The following SAMD12 variants were observed in gnomAD, a reference collection of about 807,000 sequenced individuals.
The protein encoded by SAMD12 is sterile alpha motif domain containing 12, also known as sterile alpha motif domain-containing protein 12.
A neutral mutation model predicts 15.0 loss-of-function variants in SAMD12; 9 were observed. The observed-to-expected ratio is 0.60, with a 90% CI of 0.36 to 1.05. The LOEUF (loss-of-function observed/expected upper bound fraction) is 1.05. SAMD12 is among the 50% of genes least tolerant of loss of function. The pLI is 0.01. For missense variants in SAMD12, 230 were observed against 234.2 expected (o/e 0.98, Z 0.12); for synonymous variants, 86 against 90.1 (o/e 0.96, Z 0.25).
chr8:118,162,029 G>T, the SAMD12 span, among the ~76,000 whole-genome samples: 2 of 151,332 alleles, frequency 1.3e-5, no homozygotes, highest in Non-Finnish European at 2.9e-5. Flanking sequence ...GCATGGTGGC[G>T]CATGCCTGTA....
the SAMD12 span, among the ~76,000 whole-genome samples, chr8:118,171,758 C>A: frequency 7.1e-6 from 1 of 141,588 alleles, no homozygotes; most frequent in Non-Finnish European, 1.5e-5. Flanking sequence ...TGGGTCAGGT[C>A]ATGAAATTGT....
chr8:118,557,503 A>G (rs574781109), intron 2 of SAMD12, among the ~76,000 whole-genome samples: 1 of 152,206 alleles, frequency 6.6e-6, no homozygotes, highest in Non-Finnish European at 1.5e-5. Flanking sequence ...GAAAAAGAGC[A>G]TCTGAAATGA....
chr8:118,532,168 G>C (rs1825707604), intron 2 of SAMD12, among the ~76,000 whole-genome samples: 1 of 152,104 alleles, frequency 6.6e-6, no homozygotes, highest in East Asian at 1.9e-4. Flanking sequence ...TTTTGTCAAA[G>C]GCCTTTTCTG....
chr8:118,315,347 G>A (rs867264980), intron 4 of SAMD12, among the ~76,000 whole-genome samples: 1 of 152,106 alleles, frequency 6.6e-6, no homozygotes, highest in African/African-American at 2.4e-5. Flanking sequence ...GGTCAATATA[G>A]ATATTCACCT....
exon 5 of SAMD12, chr8:118,191,578 C>T (rs1228090310): frequency 6.6e-6 from 1 of 150,940 alleles, no homozygotes; most frequent in Non-Finnish European, 1.5e-5. Context: ...CTGGGTCAGG[C>T]ACTTCGAAAC....
intron 2 of SAMD12, among the ~76,000 whole-genome samples, chr8:118,506,395 G>A (rs1016405902): frequency 6.6e-6 from 1 of 152,084 alleles, no homozygotes; most frequent in Non-Finnish European, 1.5e-5. Context: ...TCTAATTTGG[G>A]TAAAACTATG....
At chr8:118,298,539 A>G (rs1209875492) in intron 4 of SAMD12, among the ~76,000 whole-genome samples, 1 of 152,178 alleles carries the variant, frequency 6.6e-6, no homozygotes, top group Non-Finnish European at 1.5e-5. Context: ...TAATTATTTT[A>G]GCTACTTCTT....
the SAMD12 span, among the ~76,000 whole-genome samples, chr8:118,146,094 A>G: frequency 1.3e-5 from 2 of 152,214 alleles, no homozygotes; most frequent in African/African-American, 2.4e-5. Flanking sequence ...GAGCTTAACC[A>G]TGGAGCACCA....
chr8:118,321,951 C>T (rs180916611), intron 4 of SAMD12, among the ~76,000 whole-genome samples: 57 of 152,282 alleles, frequency 3.7e-4, no homozygotes, highest in African/African-American at 1.4e-3. Context: ...AGAATGCCTT[C>T]AGTTCCTCAA....
chr8:118,139,330 T>C, the SAMD12 span, among the ~76,000 whole-genome samples: 2 of 152,160 alleles, frequency 1.3e-5, no homozygotes, highest in Admixed American at 1.3e-4. Flanking sequence ...CAATGAAAAT[T>C]AACAATAAGT....
At position 118,280,957 on chromosome 8, in the gene SAMD12, A is replaced by G. The variant is rs556376071; in HGVS notation, c.434-83225T>C. 3.3e-5 allele frequency among the ~76,000 whole-genome samples: 5 copies of G among 152,302 alleles called. No homozygotes were observed. The East Asian group carries it at 9.6e-4, about 29-fold the overall frequency. ...TGGCAAGGCTGCCCTTTTTTGTCCC[A>G]TATTAATGATGATATCCTAATCATA... On this transcript the variant is annotated intron_variant, in intron 4 of 4. Coordinates refer to the SAMD12 transcript ENST00000409003.
At chr8:118,302,289 A>G (rs1586474997) in intron 4 of SAMD12, among the ~76,000 whole-genome samples, 1 of 151,952 alleles carries the variant, frequency 6.6e-6, no homozygotes, top group Admixed American at 6.6e-5. Context: ...AGCATCTCGA[A>G]TTTGTAGCCA....
intron 1 of SAMD12, among the ~76,000 whole-genome samples, chr8:118,596,311 T>C (rs1827723307): frequency 1.3e-5 from 2 of 152,194 alleles, no homozygotes; most frequent in South Asian, 4.1e-4. Context: ...GGGTCCCATT[T>C]TATAGATGAA....
chr8:118,163,853 A>C, the SAMD12 span, among the ~76,000 whole-genome samples: 39 of 149,708 alleles, frequency 2.6e-4, no homozygotes, highest in Admixed American at 8.8e-4. Flanking sequence ...CCAGCCTGGG[A>C]GACAGAGCGA....
At chr8:118,462,557 TATCC>T (rs1823455942) in intron 2 of SAMD12, among the ~76,000 whole-genome samples, 3 of 152,140 alleles carry the variant, frequency 2.0e-5, no homozygotes, top group Admixed American at 2.0e-4. Flanking sequence ...TCTGTTCATA[TATCC>T]ATCCATCTGC....
chr8:118,321,089 T>C (rs1387582548), intron 4 of SAMD12, among the ~76,000 whole-genome samples: 1 of 114,366 alleles, frequency 8.7e-6, no homozygotes, highest in Non-Finnish European at 1.7e-5. Context: ...TGAATACATA[T>C]ATAATAACAT....
intron 4 of SAMD12, chr8:118,291,174 A>C (rs1814342750): frequency 6.6e-6 from 1 of 152,226 alleles, no homozygotes; most frequent in South Asian, 2.1e-4. Flanking sequence ...AATAAACTTC[A>C]TGTTATCTTT....
chr8:118,351,238 T>C (rs1184427500), intron 4 of SAMD12, among the ~76,000 whole-genome samples: 1 of 152,158 alleles, frequency 6.6e-6, no homozygotes, highest in East Asian at 1.9e-4. Context: ...CGTAAAATGG[T>C]CTGATCCTCT....
At chr8:118,408,855 G>C (rs1430501593) in intron 3 of SAMD12, among the ~76,000 whole-genome samples, 26 of 152,096 alleles carry the variant, frequency 1.7e-4, no homozygotes, top group Admixed American at 1.6e-3. Flanking sequence ...AAAGAGCAAA[G>C]AAGATATTAA....
Sources: gnomAD v4.1 joint callset for allele counts (sites outside exome capture counted in the v4.1 genomes callset) on GRCh38, gnomAD v4.1.1 for gene constraint, MANE v1.5 for transcripts, NCBI Gene and HGNC (gene_info 2026-07-23, HGNC 2026-07-21) for gene names.